The following STOML2 variants were observed in gnomAD, a reference collection of about 807,000 sequenced individuals.
STOML2 encodes stomatin-like protein 2, mitochondrial.
STOML2 carries 22 observed loss-of-function variants against 45.7 expected under a neutral mutation model. That is an observed-to-expected ratio of 0.48 (90% CI 0.34 to 0.69). The LOEUF is 0.69. Ranked by LOEUF, STOML2 falls within the 30% of genes least tolerant of loss-of-function variation. STOML2 has a pLI of 0.01. For missense variants in STOML2, 359 were observed against 466.9 expected (o/e 0.77, Z 2.13); for synonymous variants, 181 against 182.7 (o/e 0.99, Z 0.08).
rs749224970 is a variant in STOML2, at chr9:35,101,831, T to C, written c.343-20A>G. 1 of 1,613,918 alleles carries C rather than the reference T, an allele frequency of 6.2e-7. No homozygotes were observed. The highest frequency in any genetic ancestry group is 1.1e-5 in the South Asian group (1 of 91,078). Reference sequence around the variant, plus strand: ...GCTTGCCTGAGATGGACACGGATAGTGTAAGAAGCTTGGGCACAAGATTTT... The same window carrying C: ...GCTTGCCTGAGATGGACACGGATAGCGTAAGAAGCTTGGGCACAAGATTTT... On this transcript the variant is annotated intron_variant, in intron 4 of 9. Coordinates refer to ENST00000356493, the MANE Select transcript of STOML2 (RefSeq NM_013442.3). The surrounding 1 kb of genome is among the most constrained non-coding windows in gnomAD (Gnocchi z 4.3).
In STOML2 at chr9:35,101,882, G is replaced by C. The variant is rs377389253; in HGVS notation, c.342+22C>G. The C allele has an allele frequency of 6.8e-6, 11 of 1,614,040 alleles. No homozygotes were observed. Among genetic ancestry groups the C allele is most frequent in the Non-Finnish European group, 8.5e-6 (10 of 1,180,012 alleles). On this transcript the variant is annotated intron_variant, in intron 4 of 9. Transcript: ENST00000356493. The surrounding 1 kb of genome is among the most constrained non-coding windows in gnomAD (Gnocchi z 4.3). ...AGTGAAGAGGGCAACTCAAAAGGCT[G>C]GATAAAGTAGGGGACAGGTACCTTG...
intron 8 of STOML2, 60 bp from the exon 9 acceptor site, chr9:35,100,786 G>T: frequency 6.2e-7 from 1 of 1,613,352 alleles, no homozygotes; most frequent in South Asian, 1.1e-5. Context: ...GGGGGGGATG[G>T]GGAATGAAGA....
rs1005605161 is a variant in STOML2 at position 35,103,102 on chromosome 9, C to T, written c.-8G>A. The T allele has an allele frequency of 3.7e-6, 6 of 1,613,182 alleles. No individual in the cohort carries two copies. The highest frequency in any genetic ancestry group is 5.1e-6 in the Non-Finnish European group (6 of 1,179,930). ...CGCCGCGCGCGCCAGCATTTCCCAC[C>T]GCCGCAGCGACCTCCGGAACCAACG... On this transcript the variant is annotated 5_prime_UTR_variant, in exon 1 of 10. Coordinates refer to ENST00000356493, the MANE Select transcript of STOML2 (RefSeq NM_013442.3).
chr9:35,102,767 T>G lies in STOML2; in HGVS notation c.102A>C (p.Arg34=), dbSNP rs1829851357. The part of the protein sequence containing the change: ...APRRASSGLP[R]NTVVLFVPQQ... ...GCGGCACGAACAGTACCACGGTGTT[T>G]CGGGGCAATCCAGAGGAGGCGCGGC... is the stretch of plus-strand genomic sequence containing the variant. The change falls in exon 2 of 10, where the codon CGA becomes CGC. Residue 34 remains arginine, a synonymous_variant. Coordinates refer to ENST00000356493, the MANE Select transcript of STOML2 (RefSeq NM_013442.3). This position sits in a 1 kb window ranked among gnomAD's most constrained non-coding sequence, Gnocchi z 4.8. 2.5e-6 allele frequency: 4 copies of G among 1,613,988 alleles called. No homozygotes were observed. The highest frequency in any genetic ancestry group is 1.7e-5 in the Admixed American group (1 of 60,000).
At position 35,103,086 on chromosome 9, in the gene STOML2, C is replaced by A. The variant is rs780489024; in HGVS notation, c.9G>T (p.Ala3=). 2 of 1,613,824 alleles carry A rather than the reference C, an allele frequency of 1.2e-6. No homozygotes were observed. The highest frequency in any genetic ancestry group is 4.5e-5 in the East Asian group (2 of 44,866). The change falls in exon 1 of 10, where the codon GCG becomes GCT. Residue 3 remains alanine (A), a synonymous_variant. Coordinates refer to ENST00000356493, the MANE Select transcript of STOML2 (RefSeq NM_013442.3). The part of the protein sequence containing the change: ML[A]RAARGTGALL... ...GGGCCCCAGTGCCCCGCGCCGCGCG[C>A]GCCAGCATTTCCCACCGCCGCAGCG...
intron 9 of STOML2, 84 bp from the exon 10 acceptor site, chr9:35,100,256 G>T: frequency 6.5e-7 from 1 of 1,544,132 alleles, no homozygotes; most frequent in South Asian, 1.2e-5. Context: ...GGGAAAAGAT[G>T]GCATGGGGGC....
rs768863648 is a variant in STOML2, at chr9:35,102,111, C to A, written c.267G>T (p.Gln89His). 3.6e-5 allele frequency: 58 copies of A among 1,613,978 alleles called. No individual in the cohort carries two copies. The highest frequency in any genetic ancestry group is 3.1e-5 in the Non-Finnish European group (37 of 1,180,006). The change falls in exon 3 of 10, where the codon CAG (glutamine) becomes CAT (histidine). Residue 89 changes from glutamine (Q) to histidine (H), a missense_variant. Physicochemically the swap from Gln to His is conservative, Grantham distance 24. Transcript: ENST00000356493. This position sits in a 1 kb window ranked among gnomAD's most constrained non-coding sequence, Gnocchi z 4.8. Reference sequence around the variant, plus strand: ...ACCCCTCACCGAGAGTCACAGCCGACTGCTCAGGCACGTTGATGACAATTT... The same window carrying A: ...ACCCCTCACCGAGAGTCACAGCCGAATGCTCAGGCACGTTGATGACAATTT... ...LKEIVINVPE[Q>H]SAVTLDNVTL...
chr9:35,099,949 A>C lies in STOML2; in HGVS notation c.*86T>G. On this transcript the variant is annotated 3_prime_UTR_variant, in exon 10 of 10. Coordinates refer to ENST00000356493, the MANE Select transcript of STOML2 (RefSeq NM_013442.3). ...ACTAAAGTTCAAATAAAAAAATAAAAACCAAAATCTTGGCAGGGAAGCTAG... is the reference window on the plus strand; with the variant it reads ...ACTAAAGTTCAAATAAAAAAATAAACACCAAAATCTTGGCAGGGAAGCTAG... 2.0e-6 allele frequency: 3 copies of C among 1,533,838 alleles called. No homozygotes were observed. Among genetic ancestry groups the C allele is most frequent in the Non-Finnish European group, 2.6e-6 (3 of 1,133,838 alleles).
In STOML2 at chr9:35,101,991, A is replaced by C. The variant is rs767029262; in HGVS notation, c.284-29T>G. ...TAGAACCAGGAGAGAAAACGGGGAA[A>C]GTCAGGCCTCTAGGTCCCAACCAGT... On this transcript the variant is annotated intron_variant, in intron 3 of 9. Coordinates refer to ENST00000356493, the MANE Select transcript of STOML2 (RefSeq NM_013442.3). The surrounding 1 kb of genome is among the most constrained non-coding windows in gnomAD (Gnocchi z 4.3). 6 of 1,614,068 alleles carry C rather than the reference A, an allele frequency of 3.7e-6. No individual in the cohort carries two copies. The highest frequency in any genetic ancestry group is 1.7e-5 in the Admixed American group (1 of 60,022).
At position 35,102,749 on chromosome 9, in the gene STOML2, G is replaced by C. The variant is rs762661515; in HGVS notation, c.120C>G (p.Phe40Leu). 1.2e-6 allele frequency: 2 copies of C among 1,614,020 alleles called. No individual in the cohort carries two copies. The highest frequency in any genetic ancestry group is 1.7e-6 in the Non-Finnish European group (2 of 1,180,028). The change falls in exon 2 of 10, where the codon TTC becomes TTG. Residue 40 changes from phenylalanine (F) to leucine (L), a missense_variant. Around this residue, in one of 2 missense-constraint regions of STOML2, gnomAD observed 285 missense variants for 422.0 expected, o/e 0.68. Coordinates refer to ENST00000356493, the MANE Select transcript of STOML2 (RefSeq NM_013442.3). The surrounding 1 kb of genome is among the most constrained non-coding windows in gnomAD (Gnocchi z 4.8). ...SGLPRNTVVLFVPQQEAWVVE... is the reference protein window; with the variant it reads ...SGLPRNTVVLLVPQQEAWVVE... ...CCACCCAGGCCTCCTGCTGCGGCAC[G>C]AACAGTACCACGGTGTTTCGGGGCA... is the stretch of plus-strand genomic sequence containing the variant.
Position 35,101,018 on chromosome 9 carries a change from GAGA to G in STOML2, c.725-10_725-8del, listed in dbSNP as rs1829805267. On this transcript the variant is annotated splice_polypyrimidine_tract_variant and splice_region_variant and intron_variant, in intron 7 of 9. Transcript: ENST00000356493. The surrounding 1 kb of genome is among the most constrained non-coding windows in gnomAD (Gnocchi z 4.3). ...AGAACTGCACTGGCCTCTCCTGCAA[GAGA>G]AGGGACAGAGCTTGCTTGACCCATG... is the stretch of plus-strand genomic sequence containing the variant. 6.2e-7 allele frequency: 1 copy of G among 1,613,774 alleles called. No individual in the cohort carries two copies. The highest frequency in any genetic ancestry group is 8.5e-7 in the Non-Finnish European group (1 of 1,179,856).
Position 35,100,979 on chromosome 9 carries a change from C to T in STOML2, c.757G>A (p.Ala253Thr). The part of the protein sequence containing the change: ...EASAVLAKAK[A>T]KAEAIRILAA... ...AGGATTCGAATAGCTTCAGCTTTAG[C>T]CTTGGCCTTCGCCAGAACTGCACTG... The change falls in exon 8 of 10, where the codon GCT becomes ACT. Residue 253 changes from alanine to threonine, a missense_variant. Physicochemically the swap from Ala to Thr is moderately conservative, Grantham distance 58. This residue lies in a region of STOML2 where 285 missense variants were observed against 422.0 expected (regional missense o/e 0.68). Transcript: ENST00000356493. The T allele has an allele frequency of 6.2e-7, 1 of 1,614,164 alleles. No individual in the cohort carries two copies. Among genetic ancestry groups the T allele is most frequent in the Non-Finnish European group, 8.5e-7 (1 of 1,180,012 alleles).
Position 35,102,373 on chromosome 9 carries a change from G to A in STOML2, c.184-179C>T. 1 of 664,434 alleles carries A rather than the reference G, an allele frequency of 1.5e-6. No individual in the cohort carries two copies. The highest frequency in any genetic ancestry group is 2.5e-6 in the Non-Finnish European group (1 of 392,812). The allele number at this position is 664,434 out of a possible 1,614,324, so 41.2% of individuals were successfully genotyped here. Reference sequence around the variant, plus strand: ...ACTGGTAAGAAAACCCAAGAGAACAGGAATGCAAGACTAGGCCCCTGAATG... The same window carrying A: ...ACTGGTAAGAAAACCCAAGAGAACAAGAATGCAAGACTAGGCCCCTGAATG... On this transcript the variant is annotated intron_variant, in intron 2 of 9. Coordinates refer to ENST00000356493, the MANE Select transcript of STOML2 (RefSeq NM_013442.3). This position sits in a 1 kb window ranked among gnomAD's most constrained non-coding sequence, Gnocchi z 4.8.
At position 35,099,803 on chromosome 9, in the gene STOML2, T is replaced by TATTC. The variant is rs765739882; in HGVS notation, c.*228_*231dup. 2.0e-6 allele frequency: 1 copy of TATTC among 499,814 alleles called. No homozygotes were observed. The highest frequency in any genetic ancestry group is 3.6e-6 in the Non-Finnish European group (1 of 276,742). 31.0% of individuals were successfully genotyped at this position (499,814 alleles called of 1,614,324 possible). ...TTTCACTTTACAAGAAGTTCACTCT[T>TATTC]ATTCATGGAGGCATCATGCTGACAG... On this transcript the variant is annotated 3_prime_UTR_variant, in exon 10 of 10. Coordinates refer to ENST00000356493, the MANE Select transcript of STOML2 (RefSeq NM_013442.3).
intron 9 of STOML2, 130 bp from the exon 10 acceptor site, chr9:35,100,302 C>T: frequency 8.1e-7 from 1 of 1,241,248 alleles, no homozygotes. Context: ...TCTCTCAAAC[C>T]TGTCTTGTAA....
chr9:35,100,432 T>G (rs558606363), intron 9 of STOML2, among the ~76,000 whole-genome samples, 166 bp downstream of exon 9: 2 of 152,116 alleles, frequency 1.3e-5, no homozygotes, highest in South Asian at 4.2e-4. Context: ...CAGGACTGAG[T>G]GGAGATGTTT....
In STOML2 at chr9:35,101,778, C is replaced by T. The variant is rs767788822; in HGVS notation, c.376G>A (p.Val126Ile). The T allele has an allele frequency of 2.1e-5, 34 of 1,614,092 alleles. No homozygotes were observed. Among genetic ancestry groups the T allele is most frequent in the Non-Finnish European group, 2.6e-5 (31 of 1,180,016 alleles). The change falls in exon 5 of 10, where the codon GTC becomes ATC. Residue 126 changes from valine (V) to isoleucine (I), a missense_variant. Physicochemically the swap from Val to Ile is conservative, Grantham distance 29. This residue lies in a region of STOML2 where 285 missense variants were observed against 422.0 expected (regional missense o/e 0.68). Coordinates refer to ENST00000356493, the MANE Select transcript of STOML2 (RefSeq NM_013442.3). The surrounding 1 kb of genome is among the most constrained non-coding windows in gnomAD (Gnocchi z 4.3). ...ATGGTTGTTTGAGCTAGCTGGGTGA[C>T]GGCATACTCAGGGTCCTCCACACCG... ...SYGVEDPEYA[V>I]TQLAQTTMRS...
chr9:35,101,879 G>A lies in STOML2; in HGVS notation c.342+25C>T. ...TTTAGTGAAGAGGGCAACTCAAAAG[G>A]CTGGATAAAGTAGGGGACAGGTACC... On this transcript the variant is annotated intron_variant, in intron 4 of 9. Coordinates refer to ENST00000356493, the MANE Select transcript of STOML2 (RefSeq NM_013442.3). The surrounding 1 kb of genome is among the most constrained non-coding windows in gnomAD (Gnocchi z 4.3). The A allele has an allele frequency of 1.2e-6, 2 of 1,614,092 alleles. No homozygotes were observed. The highest frequency in any genetic ancestry group is 4.5e-5 in the East Asian group (2 of 44,872).
chr9:35,102,610 G>T lies in STOML2; in HGVS notation c.183+76C>A. On this transcript the variant is annotated intron_variant, in intron 2 of 9. Transcript: ENST00000356493. The surrounding 1 kb of genome is among the most constrained non-coding windows in gnomAD (Gnocchi z 4.8). ...GCTAACAGTGCGGGCAGGCCCAAAGGAAGTCCTCCCGACATTGCATGTCGT... is the reference window on the plus strand; with the variant it reads ...GCTAACAGTGCGGGCAGGCCCAAAGTAAGTCCTCCCGACATTGCATGTCGT... 1 of 1,578,498 alleles carries T rather than the reference G, an allele frequency of 6.3e-7. No homozygotes were observed. The highest frequency in any genetic ancestry group is 1.8e-5 in the Admixed American group (1 of 55,100).
Sources: gnomAD v4.1 joint callset for allele counts (sites outside exome capture counted in the v4.1 genomes callset) on GRCh38, gnomAD v4.1.1 for gene constraint, gnomAD v4.1.1 regional missense constraint, Gnocchi (gnomAD v3.1) non-coding constraint, MANE v1.5 for transcripts, NCBI Gene and HGNC (gene_info 2026-07-23, HGNC 2026-07-21) for gene names.